Variants in NAV3 observed in about 807,000 individuals in gnomAD.
The protein encoded by NAV3 is neuron navigator 3, also known as pore membrane and/or filament interacting like protein 1.
In NAV3, 87 loss-of-function variants were observed where a neutral mutation model predicts 244.7. The observed-to-expected ratio is 0.36, with a 90% CI of 0.30 to 0.42. The LOEUF is 0.42. NAV3 is among the 20% of genes least tolerant of loss of function. The probability of loss-of-function intolerance (pLI) is 1.00; values close to 1 mark genes in which losing one functional copy is unlikely to be tolerated. For synonymous variants in NAV3, 1,126 were observed against 1,042.2 expected (o/e 1.08, Z -1.55); for missense variants, 2,663 against 2,893.3 (o/e 0.92, Z 1.83).
At chr12:77,786,239 G>T (rs968924061) in intron 2 of NAV3, among the ~76,000 whole-genome samples, 1 of 152,106 alleles carries the variant, frequency 6.6e-6, no homozygotes, top group African/African-American at 2.4e-5. Flanking sequence ...GTATGGCAGA[G>T]AATAAGATAA....
chr12:78,125,005 C>G (rs970305487), intron 16 of NAV3, among the ~76,000 whole-genome samples: 1 of 151,928 alleles, frequency 6.6e-6, no homozygotes, highest in Non-Finnish European at 1.5e-5. Flanking sequence ...AGACACTGAG[C>G]TTTTTGTTTT....
intron 25 of NAV3, among the ~76,000 whole-genome samples, chr12:78,175,822 G>A (rs1309388424): frequency 6.6e-6 from 1 of 151,864 alleles, no homozygotes; most frequent in African/African-American, 2.4e-5. Flanking sequence ...GATAACATCT[G>A]TGAATAAATG....
chr12:77,957,913 G>A (rs903262093), intron 3 of NAV3, among the ~76,000 whole-genome samples: 10 of 152,048 alleles, frequency 6.6e-5, no homozygotes, highest in Admixed American at 2.6e-4. Flanking sequence ...TTGTCTGCCC[G>A]CCTTGGCCTC....
Position 78,007,459 on chromosome 12 carries a change from T to G in NAV3, c.1907+14T>G, listed in dbSNP as rs148743662. Reference sequence around the variant, plus strand: ...ATTCATTTACAGGTAAGGTGGCCTCTGTTTATCCACAGTTGTAAATATATT... The same window carrying G: ...ATTCATTTACAGGTAAGGTGGCCTCGGTTTATCCACAGTTGTAAATATATT... On this transcript the variant is annotated intron_variant, in intron 8 of 39. Coordinates refer to ENST00000397909, the MANE Select transcript of NAV3 (RefSeq NM_001024383.2). The G allele has an allele frequency of 6.2e-7, 1 of 1,607,646 alleles. No individual in the cohort carries two copies. The highest frequency in any genetic ancestry group is 8.5e-7 in the Non-Finnish European group (1 of 1,176,820).
In NAV3 at chr12:77,976,711, G is replaced by T. The variant is rs1257605629; in HGVS notation, c.671+8009G>T. Reference sequence around the variant, plus strand: ...TTTTTTTGAGACGGAGTCTTACTCTGTCACCAGGCTGGAGTGCAGAGGCGT... The same window carrying T: ...TTTTTTTGAGACGGAGTCTTACTCTTTCACCAGGCTGGAGTGCAGAGGCGT... On this transcript the variant is annotated intron_variant, in intron 5 of 39. Transcript: ENST00000397909. Among the ~76,000 whole-genome samples the T allele has an allele frequency of 1.6e-4, 16 of 98,706 alleles. No homozygotes were observed. The Admixed American group carries it at 2.4e-3, about 15-fold the overall frequency. 64.8% of individuals were successfully genotyped at this position (98,706 alleles called of 152,430 possible).
intron 7 of NAV3, among the ~76,000 whole-genome samples, chr12:78,001,692 A>G (rs1318329750): frequency 6.6e-6 from 1 of 152,250 alleles, no homozygotes; most frequent in African/African-American, 2.4e-5. Context: ...GTCTCATTAA[A>G]TGAATTAAAA....
At chr12:78,095,694 A>T (rs1353758178) in intron 12 of NAV3, among the ~76,000 whole-genome samples, 1 of 152,126 alleles carries the variant, frequency 6.6e-6, no homozygotes, top group African/African-American at 2.4e-5. Flanking sequence ...CAGATGGAGG[A>T]AATAAAGATC....
chr12:78,089,923 A>G (rs1373392470), intron 12 of NAV3, among the ~76,000 whole-genome samples: 2 of 152,098 alleles, frequency 1.3e-5, no homozygotes, highest in Non-Finnish European at 1.5e-5. Flanking sequence ...TCCCTTCAGA[A>G]TCTACTCAGA....
chr12:77,697,502 T>C (rs1315582320), intron 2 of NAV3, among the ~76,000 whole-genome samples: 2 of 152,212 alleles, frequency 1.3e-5, no homozygotes, highest in African/African-American at 4.8e-5. Context: ...GCGCTGTTTG[T>C]GTGAGCTTTT....
intron 5 of NAV3, among the ~76,000 whole-genome samples, chr12:77,975,068 A>G (rs147259263): frequency 9.5e-4 from 145 of 152,322 alleles, no homozygotes; most frequent in African/African-American, 3.3e-3. Context: ...AATATTTCCA[A>G]TAAAATAGCT....
chr12:78,043,099 A>G (rs1454658381), intron 9 of NAV3, among the ~76,000 whole-genome samples: 1 of 151,626 alleles, frequency 6.6e-6, no homozygotes, highest in African/African-American at 2.4e-5. Context: ...CCCACCCACC[A>G]ACAGGCCCCG....
intron 11 of NAV3, among the ~76,000 whole-genome samples, chr12:78,058,350 A>G (rs1288381615): frequency 1.3e-5 from 2 of 152,052 alleles, no homozygotes; most frequent in East Asian, 1.9e-4. Context: ...GTGCAAGGGA[A>G]CTCCCATTTA....
chr12:77,757,080 A>T (rs181877918), intron 2 of NAV3, among the ~76,000 whole-genome samples: 2 of 152,326 alleles, frequency 1.3e-5, no homozygotes, highest in African/African-American at 4.8e-5. Context: ...CATGTTAAAT[A>T]TTATTCAAGG....
intron 2 of NAV3, among the ~76,000 whole-genome samples, chr12:77,692,081 T>A (rs991928833): frequency 1.3e-5 from 2 of 152,020 alleles, no homozygotes; most frequent in Non-Finnish European, 2.9e-5. Flanking sequence ...GTGATTCTAG[T>A]GTACAACCAA....
rs1320765480 is a variant in NAV3 at position 78,122,236 on chromosome 12, A to G, written c.4046A>G (p.Asn1349Ser). Residue 1349 changes from asparagine (N) to serine (S), a missense_variant, in exon 16 of 40, where the codon AAT becomes AGT. By Grantham distance (46) the Asn-to-Ser change is conservative (BLOSUM62 1). Coordinates refer to ENST00000397909, the MANE Select transcript of NAV3 (RefSeq NM_001024383.2). The part of the protein sequence containing the change: ...FTSGGLVWAA[N>S]MSSSSAGSKD... ...TCAGGTGGTCTCGTGTGGGCTGCCA[A>G]TATGAGCAGTTCCTCTGCAGGCAGC... The G allele has an allele frequency of 3.1e-6, 5 of 1,614,024 alleles. No homozygotes were observed. The highest frequency in any genetic ancestry group is 2.2e-5 in the East Asian group (1 of 44,876).
At chr12:78,099,518 A>G (rs1954432413) in intron 12 of NAV3, among the ~76,000 whole-genome samples, 2 of 151,838 alleles carry the variant, frequency 1.3e-5, no homozygotes, top group Admixed American at 1.3e-4. Flanking sequence ...CAGTGAGCAT[A>G]TATTGGTTTT....
At position 77,610,555 on chromosome 12, in the gene NAV3, A is replaced by G. The variant is rs573473314; in HGVS notation, c.72+38289A>G. On this transcript the variant is annotated intron_variant, in intron 2 of 8. Coordinates refer to the NAV3 transcript ENST00000550042. ...ATAGATACGTAGACAAGCCATGTAC[A>G]TTCAGACTTGTGCTGGTTGCACACA... Among the ~76,000 whole-genome samples the G allele has an allele frequency of 2.6e-5, 4 of 152,240 alleles. No individual in the cohort carries two copies. The Middle Eastern group carries it at 0.01, about 388-fold the overall frequency.
chr12:78,028,607 AAGC>A (rs1878463341), intron 9 of NAV3, among the ~76,000 whole-genome samples: 1 of 152,154 alleles, frequency 6.6e-6, no homozygotes, highest in African/African-American at 2.4e-5. Context: ...TGATAACCAA[AAGC>A]TTGCATCCCT....
At chr12:77,836,375 A>T (rs978207963) in intron 1 of NAV3, among the ~76,000 whole-genome samples, 2 of 152,060 alleles carry the variant, frequency 1.3e-5, no homozygotes, top group African/African-American at 4.8e-5. Flanking sequence ...ACTTCTTTCC[A>T]GTCTTGGGCT....
Sources: allele counts gnomAD v4.1 joint callset (sites outside exome capture counted in the v4.1 genomes callset), GRCh38; gene constraint gnomAD v4.1.1; transcripts MANE v1.5; gene names NCBI Gene and HGNC (gene_info 2026-07-23, HGNC 2026-07-21).